The following SDF2 variants were observed in gnomAD, a reference collection of about 807,000 sequenced individuals.
SDF2 encodes the protein stromal cell-derived factor 2.
A neutral mutation model predicts 20.5 loss-of-function variants in SDF2; 12 were observed. That is an observed-to-expected ratio of 0.58 (90% CI 0.37 to 0.95). SDF2 has a LOEUF of 0.95. Ranked by LOEUF, SDF2 falls within the 40% of genes least tolerant of loss-of-function variation. The probability of loss-of-function intolerance (pLI) is 0.01; values close to 1 mark genes in which losing one functional copy is unlikely to be tolerated. For synonymous variants in SDF2, 100 were observed against 101.0 expected (o/e 0.99, Z 0.06); for missense variants, 238 against 263.1 (o/e 0.90, Z 0.66).
chr17:28,656,236 T>C (rs938567116), intron 1 of SDF2: 1 of 151,906 alleles, frequency 6.6e-6, no homozygotes, highest in Admixed American at 6.6e-5. Flanking sequence ...CCTCCCAAAG[T>C]GCTGGGATTG....
chr17:28,661,776 T>A lies in SDF2; in HGVS notation c.101A>T (p.Asn34Ile). 1 of 1,614,002 alleles carries A rather than the reference T, an allele frequency of 6.2e-7. No homozygotes were observed. The highest frequency in any genetic ancestry group is 8.5e-7 in the Non-Finnish European group (1 of 1,179,998). ...GTGCAGTCGGACGTTGTGGCGCGTA[T>A]TGAGTAGCTTCACCACGGAGCCGCA... ...VTCGSVVKLLNTRHNVRLHSH... is the reference protein window; with the variant it reads ...VTCGSVVKLLITRHNVRLHSH... Residue 34 changes from asparagine to isoleucine, a missense_variant, in exon 1 of 3, where the codon AAT becomes ATT. Coordinates refer to ENST00000247020, the MANE Select transcript of SDF2 (RefSeq NM_006923.4).
chr17:28,653,643 C>T (rs1436294912), intron 2 of SDF2, among the ~76,000 whole-genome samples: 1 of 152,100 alleles, frequency 6.6e-6, no homozygotes, highest in Non-Finnish European at 1.5e-5. Context: ...GAAACCCCGT[C>T]TCTACTGAAA....
intron 2 of SDF2, 65 bp downstream of exon 2, chr17:28,655,222 A>G (rs1018581210): frequency 1.0e-5 from 15 of 1,457,352 alleles, no homozygotes; most frequent in Admixed American, 1.7e-5. Context: ...TTTAAGAACC[A>G]AGAGATCAAA....
At chr17:28,658,735 A>C (rs541539584) in intron 1 of SDF2, among the ~76,000 whole-genome samples, 12 of 150,772 alleles carry the variant, frequency 8.0e-5, no homozygotes. Context: ...CAAAACCGCC[A>C]TCGTCATCAT....
Position 28,659,376 on chromosome 17 carries a change from G to T in SDF2, c.151+2350C>A, listed in dbSNP as rs545547924. Among the ~76,000 whole-genome samples the T allele has an allele frequency of 5.8e-4, 83 of 142,570 alleles. 3 individuals carry two copies. In the East Asian group the frequency reaches 0.016, roughly 27 times the overall value. 93.5% of individuals were successfully genotyped at this position (142,570 alleles called of 152,430 possible). ...TCCCAGACGGGGCAGCCGGGCAGAG[G>T]CGCTCCCCACTTCCCAGATGGGGTG... is the stretch of plus-strand genomic sequence containing the variant. On this transcript the variant is annotated intron_variant, in intron 1 of 2. Coordinates refer to ENST00000247020, the MANE Select transcript of SDF2 (RefSeq NM_006923.4).
At chr17:28,657,207 G>T (rs1567677595) in intron 1 of SDF2, among the ~76,000 whole-genome samples, 1 of 152,064 alleles carries the variant, frequency 6.6e-6, no homozygotes, top group African/African-American at 2.4e-5. Flanking sequence ...AGCCTAGGTG[G>T]CAGGGCAAGA....
intron 2 of SDF2, 144 bp from the exon 3 acceptor site, chr17:28,649,420 A>G: frequency 1.3e-6 from 1 of 754,570 alleles, no homozygotes; most frequent in Non-Finnish European, 2.1e-6. Flanking sequence ...CCACTTTGGG[A>G]AGCTGAGCAG....
At chr17:28,654,260 T>C (rs1320417125) in intron 2 of SDF2, among the ~76,000 whole-genome samples, 1 of 151,704 alleles carries the variant, frequency 6.6e-6, no homozygotes. Flanking sequence ...AAGATCACAC[T>C]ACAACCTGGG....
chr17:28,653,673 G>A (rs1158773123), intron 2 of SDF2, among the ~76,000 whole-genome samples: 2 of 152,072 alleles, frequency 1.3e-5, no homozygotes, highest in Admixed American at 1.3e-4. Flanking sequence ...TCAGCCGGGC[G>A]TGGTGGCAGG....
chr17:28,659,362 G>A (rs1440815530), intron 1 of SDF2, among the ~76,000 whole-genome samples: 1 of 146,334 alleles, frequency 6.8e-6, no homozygotes, highest in African/African-American at 2.6e-5. Context: ...CCCAGACGGG[G>A]CAGCCGGGCA....
chr17:28,660,939 A>T, intron 1 of SDF2: 1 of 158,556 alleles, frequency 6.3e-6, no homozygotes, highest in Non-Finnish European at 1.4e-5. Flanking sequence ...GTCTGTTTTT[A>T]TTATATTGTA....
intron 1 of SDF2, chr17:28,656,306 C>CT (rs954989352): frequency 6.6e-6 from 1 of 151,986 alleles, no homozygotes; most frequent in African/African-American, 2.4e-5. Flanking sequence ...ATTTTTTAGG[C>CT]TGGGTGTGGT....
chr17:28,652,958 A>C (rs1332723796), intron 2 of SDF2, among the ~76,000 whole-genome samples: 1 of 152,256 alleles, frequency 6.6e-6, no homozygotes, highest in Non-Finnish European at 1.5e-5. Context: ...CGAAGTATAA[A>C]CTATCCATAA....
chr17:28,662,011 G>A (rs1458884301), upstream of SDF2: 50 of 1,076,318 alleles, frequency 4.6e-5, no homozygotes, highest in Non-Finnish European at 6.6e-5. Context: ...TTTGACTAGA[G>A]CGGCCTGAGA....
rs763242254 is a variant in SDF2, at chr17:28,649,240, A to G, written c.385T>C (p.Tyr129His). 1 of 1,614,168 alleles carries G rather than the reference A, an allele frequency of 6.2e-7. No homozygotes were observed. The highest frequency in any genetic ancestry group is 2.2e-5 in the East Asian group (1 of 44,894). ...CAGAGCACTGTCCAGTCATCCAGATAATCACCTTCACCTTCCTCACCAAAA... is the reference window on the plus strand; with the variant it reads ...CAGAGCACTGTCCAGTCATCCAGATGATCACCTTCACCTTCCTCACCAAAA... Reference protein sequence around the residue: ...SAFGEEGEGDYLDDWTVLCNG... With the variant: ...SAFGEEGEGDHLDDWTVLCNG... The change falls in exon 3 of 3, where the codon TAT becomes CAT. Residue 129 changes from tyrosine (Y) to histidine (H), a missense_variant. Transcript: ENST00000247020.
intron 1 of SDF2, among the ~76,000 whole-genome samples, chr17:28,658,386 T>C (rs1281647314): frequency 3.3e-5 from 5 of 152,162 alleles, no homozygotes; most frequent in Non-Finnish European, 7.4e-5. Flanking sequence ...CTGGTTTTCC[T>C]AGGCAGAGGT....
intron 1 of SDF2, chr17:28,660,610 G>A (rs2072019704): frequency 1.3e-5 from 2 of 152,368 alleles, no homozygotes; most frequent in African/African-American, 4.8e-5. Flanking sequence ...ATCCAAAGTA[G>A]GAAACCAAAA....
intron 1 of SDF2, among the ~76,000 whole-genome samples, chr17:28,658,655 C>T (rs2071989759): frequency 6.6e-6 from 1 of 152,178 alleles, no homozygotes; most frequent in East Asian, 1.9e-4. Context: ...ATGTCTACTT[C>T]TTTCTACACA....
At chr17:28,661,687 G>C in intron 1 of SDF2, 39 bp downstream of exon 1, 1 of 1,593,906 alleles carries the variant, frequency 6.3e-7, no homozygotes. Context: ...GAGCCTCCGA[G>C]TCCTCCCTAG....
Sources: gnomAD v4.1 joint callset for allele counts (sites outside exome capture counted in the v4.1 genomes callset) on GRCh38, gnomAD v4.1.1 for gene constraint, MANE v1.5 for transcripts, NCBI Gene and HGNC (gene_info 2026-07-23, HGNC 2026-07-21) for gene names.